Variants in PNOC observed in about 807,000 individuals in gnomAD.
PNOC encodes the protein nociceptin.
Under a neutral mutation model 15.6 loss-of-function variants are expected in PNOC, and 10 were observed. That is an observed-to-expected ratio of 0.64 (90% CI 0.40 to 1.09). PNOC has a LOEUF of 1.09. Ranked by LOEUF, PNOC falls within the 50% of genes least tolerant of loss-of-function variation. The probability of loss-of-function intolerance (pLI) is 0.01; values close to 1 mark genes in which losing one functional copy is unlikely to be tolerated. For synonymous variants in PNOC, 98 were observed against 88.5 expected (o/e 1.11, Z -0.60); for missense variants, 220 against 223.9 (o/e 0.98, Z 0.11).
chr8:28,330,341 A>C (rs1801300932), intron 2 of PNOC, among the ~76,000 whole-genome samples: 1 of 147,280 alleles, frequency 6.8e-6, no homozygotes, highest in Non-Finnish European at 1.5e-5. Flanking sequence ...AATTTGTTTA[A>C]CCACTGAACA....
chr8:28,320,173 G>A (rs961637740), intron 1 of PNOC, among the ~76,000 whole-genome samples: 41 of 124,858 alleles, frequency 3.3e-4, no homozygotes, highest in Admixed American at 2.9e-3. Context: ...TCATCAGCCC[G>A]GGGGCCCAGC....
intron 1 of PNOC, among the ~76,000 whole-genome samples, chr8:28,318,621 G>A (rs1801098422): frequency 6.6e-6 from 1 of 152,156 alleles, no homozygotes; most frequent in Non-Finnish European, 1.5e-5. Context: ...CTTACACTGA[G>A]GCTATGTTAC....
Position 28,338,498 on chromosome 8 carries a change from A to C in PNOC, c.127-542A>C, listed in dbSNP as rs1188513491. The stretch of plus-strand genomic sequence containing the variant: ...CCCATTTGCTATAAATGATACACAG[A>C]TAGTGACGACTGCTGTACGCGGGAT... On this transcript the variant is annotated intron_variant, in intron 2 of 3. Transcript: ENST00000301908. The C allele has an allele frequency of 1.7e-5, 11 of 660,966 alleles. No homozygotes were observed. In the Admixed American group the frequency reaches 2.5e-4, roughly 15 times the overall value. 40.9% of individuals were successfully genotyped at this position (660,966 alleles called of 1,614,324 possible).
intron 2 of PNOC, among the ~76,000 whole-genome samples, chr8:28,337,890 CT>C: frequency 6.6e-6 from 1 of 152,304 alleles, no homozygotes; most frequent in South Asian, 2.1e-4. Flanking sequence ...CGCACCCGGC[CT>C]ACACTTCCAT....
At chr8:28,320,478 T>C (rs1801131795) in intron 1 of PNOC, among the ~76,000 whole-genome samples, 1 of 152,094 alleles carries the variant, frequency 6.6e-6, no homozygotes, top group Non-Finnish European at 1.5e-5. Flanking sequence ...TAATTTGCAT[T>C]TTAGTGGATT....
At chr8:28,333,351 A>G (rs1801359531) in intron 2 of PNOC, among the ~76,000 whole-genome samples, 1 of 152,222 alleles carries the variant, frequency 6.6e-6, no homozygotes, top group South Asian at 2.1e-4. Flanking sequence ...CTGAGACTCC[A>G]GATGCCCATA....
chr8:28,329,364 T>A (rs1008269786), intron 2 of PNOC, 81 bp downstream of exon 2: 1 of 1,548,382 alleles, frequency 6.5e-7, no homozygotes, highest in African/African-American at 1.4e-5. Context: ...AGACTCTGAG[T>A]GAGAAGCCAA....
intron 1 of PNOC, among the ~76,000 whole-genome samples, chr8:28,318,058 C>G (rs1324550114): frequency 1.3e-5 from 2 of 152,152 alleles, no homozygotes; most frequent in South Asian, 2.1e-4. Flanking sequence ...CCATCTCCCC[C>G]ACCTAAAGGT....
intron 2 of PNOC, among the ~76,000 whole-genome samples, chr8:28,332,544 A>C (rs531196740): frequency 6.6e-6 from 1 of 152,330 alleles, no homozygotes; most frequent in East Asian, 1.9e-4. Flanking sequence ...CTAATTGTGA[A>C]TGGTACTTAC....
intron 2 of PNOC, among the ~76,000 whole-genome samples, chr8:28,336,110 C>G (rs1447650404): frequency 6.6e-6 from 1 of 152,192 alleles, no homozygotes. Context: ...TTTCTCACCT[C>G]TTTTCATTCC....
chr8:28,321,205 AATT>A (rs1226592655), intron 1 of PNOC, among the ~76,000 whole-genome samples: 7 of 102,454 alleles, frequency 6.8e-5, no homozygotes, highest in Middle Eastern at 4.8e-3. Flanking sequence ...CACCTAGCTA[AATT>A]TTTTTTTTTT....
intron 2 of PNOC, among the ~76,000 whole-genome samples, chr8:28,330,523 T>C (rs1178359844): frequency 2.0e-5 from 3 of 147,356 alleles, no homozygotes; most frequent in Non-Finnish European, 4.5e-5. Context: ...GCCTCCCGAG[T>C]AGCTGGGACT....
At chr8:28,342,421 G>T (rs573389424) in intron 3 of PNOC, among the ~76,000 whole-genome samples, 1 of 151,418 alleles carries the variant, frequency 6.6e-6, no homozygotes, top group East Asian at 1.9e-4. Context: ...AAGGAAAGGT[G>T]TTGGGGTGCA....
intron 3 of PNOC, among the ~76,000 whole-genome samples, 160 bp from the exon 4 acceptor site, chr8:28,342,782 G>A (rs1428812893): frequency 6.6e-6 from 1 of 152,190 alleles, no homozygotes; most frequent in African/African-American, 2.4e-5. Context: ...GAGCAGATGT[G>A]CGGAGATGCT....
chr8:28,342,368 A>G (rs1311550204), intron 3 of PNOC, among the ~76,000 whole-genome samples: 2 of 151,834 alleles, frequency 1.3e-5, no homozygotes, highest in Admixed American at 1.3e-4. Flanking sequence ...AAAAAAAAAA[A>G]AAAAAAAAGA....
chr8:28,330,104 G>A (rs996258915), intron 2 of PNOC, among the ~76,000 whole-genome samples: 8 of 151,206 alleles, frequency 5.3e-5, no homozygotes, highest in African/African-American at 1.5e-4. Flanking sequence ...CCACCACCAC[G>A]CCCCGCTATT....
chr8:28,319,627 C>G (rs1801114395), intron 1 of PNOC, among the ~76,000 whole-genome samples: 1 of 152,216 alleles, frequency 6.6e-6, no homozygotes, highest in Non-Finnish European at 1.5e-5. Context: ...CATATGCACA[C>G]TGGTAGGAAT....
chr8:28,325,276 GA>G (rs974351686), intron 1 of PNOC, among the ~76,000 whole-genome samples: 11 of 132,886 alleles, frequency 8.3e-5, no homozygotes, highest in African/African-American at 2.7e-4. Flanking sequence ...TGGCTTCCCA[GA>G]AGGGATGATG....
intron 2 of PNOC, among the ~76,000 whole-genome samples, chr8:28,329,681 T>C (rs1405632881): frequency 6.6e-6 from 1 of 152,246 alleles, no homozygotes; most frequent in Non-Finnish European, 1.5e-5. Flanking sequence ...TCTCATGTTA[T>C]TATTTCTTTC....
Sources: allele counts gnomAD v4.1 joint callset (sites outside exome capture counted in the v4.1 genomes callset), GRCh38; gene constraint gnomAD v4.1.1; transcripts MANE v1.5; gene names NCBI Gene and HGNC (gene_info 2026-07-23, HGNC 2026-07-21).